USP24: variants seen among roughly 807,000 people sequenced by gnomAD.
USP24 encodes ubiquitin carboxyl-terminal hydrolase 24.
USP24 carries 97 observed loss-of-function variants against 361.6 expected under a neutral mutation model. The ratio of observed to expected loss-of-function variants is 0.27; its 90% CI spans 0.23 to 0.32. The LOEUF is 0.32. Among genes scored for constraint, USP24 ranks in the 10% least tolerant of loss-of-function variants. The pLI is 1.00. For missense variants in USP24, 2,353 were observed against 3,165.6 expected (o/e 0.74, Z 6.16); for synonymous variants, 1,098 against 1,124.6 (o/e 0.98, Z 0.47).
intron 5 of USP24, 72 bp from the exon 6 acceptor site, chr1:55,166,675 T>A: frequency 7.4e-7 from 1 of 1,351,840 alleles, no homozygotes; most frequent in South Asian, 1.4e-5. Flanking sequence ...ATTTCTTTTA[T>A]CCTAAATGAA....
chr1:55,117,821 C>T (rs796181387), intron 38 of USP24, among the ~76,000 whole-genome samples: 50 of 142,594 alleles, frequency 3.5e-4, no homozygotes, highest in African/African-American at 1.3e-3. Context: ...ACAGAATCAA[C>T]ACAAAAATCA....
intron 62 of USP24, among the ~76,000 whole-genome samples, chr1:55,076,469 G>A (rs564575122): frequency 6.6e-6 from 1 of 152,226 alleles, no homozygotes; most frequent in African/African-American, 2.4e-5. Flanking sequence ...AGGCCTCTAT[G>A]GAGTATCAAG....
intron 28 of USP24, 88 bp downstream of exon 28, chr1:55,137,427 G>A: frequency 7.1e-7 from 1 of 1,411,958 alleles, no homozygotes. Flanking sequence ...ATGAATCCCA[G>A]CATTTGTTAT....
At chr1:55,182,242 G>C (rs1244936115) in intron 1 of USP24, among the ~76,000 whole-genome samples, 1 of 152,100 alleles carries the variant, frequency 6.6e-6, no homozygotes, top group Admixed American at 6.6e-5. Context: ...AGTAGAGACG[G>C]GGTTTCACCA....
At position 55,156,942 on chromosome 1, in the gene USP24, A is replaced by T; in HGVS notation, c.1446+6T>A. On this transcript the variant is annotated splice_donor_region_variant and intron_variant, in intron 12 of 67. Transcript: ENST00000294383. ...CCAAAGGCAAAAATAATTCTGATCA[A>T]CCTACCTGTATCTTCCAAATTTTAG... 3.1e-6 allele frequency: 5 copies of T among 1,604,282 alleles called. No homozygotes were observed. The highest frequency in any genetic ancestry group is 4.3e-6 in the Non-Finnish European group (5 of 1,171,714).
chr1:55,195,417 T>C (rs1383772118), intron 1 of USP24, among the ~76,000 whole-genome samples: 1 of 152,240 alleles, frequency 6.6e-6, no homozygotes, highest in Non-Finnish European at 1.5e-5. Flanking sequence ...TTCTGTCTTC[T>C]ATTTTTACAC....
chr1:55,204,983 GCAAA>G (rs1280027711), intron 1 of USP24, among the ~76,000 whole-genome samples: 4 of 152,156 alleles, frequency 2.6e-5, no homozygotes, highest in Admixed American at 2.0e-4. Context: ...TTAAAAATGT[GCAAA>G]CAGACATGAG....
At position 55,072,771 on chromosome 1, in the gene USP24, T is replaced by A; in HGVS notation, c.7602+15A>T. The A allele has an allele frequency of 6.3e-7, 1 of 1,580,698 alleles. No homozygotes were observed. Among genetic ancestry groups the A allele is most frequent in the South Asian group, 1.2e-5 (1 of 84,940 alleles). ...ATTCCTATGTTACAGCTAGAAAAAT[T>A]CAATGTTCAGTTACCTTCTTCTGTA... On this transcript the variant is annotated intron_variant, in intron 65 of 67. Coordinates refer to ENST00000294383, the MANE Select transcript of USP24 (RefSeq NM_015306.3).
intron 1 of USP24, among the ~76,000 whole-genome samples, chr1:55,190,178 A>AAAG (rs1185048654): frequency 1.3e-5 from 2 of 151,282 alleles, no homozygotes; most frequent in African/African-American, 4.8e-5. Context: ...AAAAAAAAAA[A>AAAG]AAAAAAAGAA....
chr1:55,147,826 G>A (rs775588348), intron 17 of USP24, 28 bp from the exon 18 acceptor site: 1 of 1,605,892 alleles, frequency 6.2e-7, no homozygotes, highest in South Asian at 1.1e-5. Context: ...AAAGAAAAGT[G>A]GTAATGAGAA....
rs539685728 is a variant in USP24 at position 55,178,137 on chromosome 1, C to A, written c.325-5G>T. Reference sequence around the variant, plus strand: ...GTTTCCATTCTCATCATTCTTCTGACGAAAAGGGATTAAGATAAAAAGCAA... The same window carrying A: ...GTTTCCATTCTCATCATTCTTCTGAAGAAAAGGGATTAAGATAAAAAGCAA... On this transcript the variant is annotated splice_region_variant and splice_polypyrimidine_tract_variant and intron_variant, in intron 1 of 67. Coordinates refer to ENST00000294383, the MANE Select transcript of USP24 (RefSeq NM_015306.3). 6.5e-7 allele frequency: 1 copy of A among 1,530,274 alleles called. No individual in the cohort carries two copies. Among genetic ancestry groups the A allele is most frequent in the Non-Finnish European group, 8.8e-7 (1 of 1,140,922 alleles). 94.8% of individuals were successfully genotyped at this position (1,530,274 alleles called of 1,614,324 possible).
chr1:55,124,667 T>C (rs1017052580), intron 34 of USP24, 39 bp from the exon 35 acceptor site: 32 of 1,607,500 alleles, frequency 2.0e-5, no homozygotes, highest in Non-Finnish European at 2.5e-5. Flanking sequence ...AGAGCAATAC[T>C]TGAACACATG....
chr1:55,162,136 A>G (rs1314246038), intron 8 of USP24, 63 bp downstream of exon 8: 1 of 1,449,278 alleles, frequency 6.9e-7, no homozygotes, highest in South Asian at 1.4e-5. Context: ...CCTGATAAAA[A>G]GAAGTTATTA....
At position 55,096,962 on chromosome 1, in the gene USP24, T is replaced by G. The variant is rs1386718853; in HGVS notation, c.5926A>C (p.Lys1976Gln). The G allele has an allele frequency of 1.2e-6, 2 of 1,613,456 alleles. No homozygotes were observed. Among genetic ancestry groups the G allele is most frequent in the Admixed American group, 3.3e-5 (2 of 59,942 alleles). ...TCAGGAAACTCTTACCGCCTGTCCT[T>G]AATGAAGGAATAGTAGTGGCCTGCG... is the stretch of plus-strand genomic sequence containing the variant. ...AHAGHYYSFI[K>Q]DRRGCGKGKW... The change falls in exon 49 of 68, where the codon AAG (lysine) becomes CAG (glutamine). Residue 1976 changes from lysine to glutamine, a missense_variant. By Grantham distance (53) the Lys-to-Gln change is moderately conservative. Coordinates refer to ENST00000294383, the MANE Select transcript of USP24 (RefSeq NM_015306.3).
intron 38 of USP24, among the ~76,000 whole-genome samples, chr1:55,111,365 C>T (rs116786744): frequency 0.014 from 2,146 of 152,094 alleles, 47 homozygotes; most frequent in African/African-American, 0.05. Flanking sequence ...CTGCTTCTTT[C>T]GTAAAACTTA....
rs1253956585 is a variant in USP24, at chr1:55,154,239, C to A, written c.1692G>T (p.Leu564=). ...VLWELAHLPT[L]PSSLIQQALE... is the part of the protein sequence containing the mutation. ...AGGCCTGCTGAATAAGGCTACTGGG[C>A]AGGGTTGGAAGGTGAGCCAGTTCCC... Residue 564 remains leucine (L), a synonymous_variant, in exon 15 of 68, where the codon CTG becomes CTT. Transcript: ENST00000294383. 1 of 1,613,234 alleles carries A rather than the reference C, an allele frequency of 6.2e-7. No homozygotes were observed.
At chr1:55,078,402 C>G in intron 61 of USP24, 136 bp downstream of exon 61, 1 of 445,596 alleles carries the variant, frequency 2.2e-6, no homozygotes, top group Non-Finnish European at 3.8e-6. Flanking sequence ...ATGAATAAAA[C>G]TGAGCCTATA....
chr1:55,186,092 T>C (rs1194283292), intron 1 of USP24, among the ~76,000 whole-genome samples: 1 of 152,170 alleles, frequency 6.6e-6, no homozygotes, highest in Admixed American at 6.5e-5. Context: ...CAGGACCAGA[T>C]GGCATCACCA....
chr1:55,169,588 G>C lies in USP24; in HGVS notation c.825+1968C>G, dbSNP rs561015181. On this transcript the variant is annotated intron_variant, in intron 5 of 67. Coordinates refer to ENST00000294383, the MANE Select transcript of USP24 (RefSeq NM_015306.3). ...AAAATACAGCCATGGAGGAGAGAGAGACTTCTAATAGAAGAACCACAGTCA... is the reference window on the plus strand; with the variant it reads ...AAAATACAGCCATGGAGGAGAGAGACACTTCTAATAGAAGAACCACAGTCA... Among the ~76,000 whole-genome samples the C allele has an allele frequency of 7.2e-5, 11 of 152,084 alleles. No individual in the cohort carries two copies. In the South Asian group the frequency reaches 1.4e-3, roughly 20 times the overall value.
Sources: gnomAD v4.1 joint callset for allele counts (sites outside exome capture counted in the v4.1 genomes callset) on GRCh38, gnomAD v4.1.1 for gene constraint, MANE v1.5 for transcripts, NCBI Gene and HGNC (gene_info 2026-07-23, HGNC 2026-07-21) for gene names.